CHD4: variants seen among roughly 807,000 people sequenced by gnomAD.
The protein encoded by CHD4 is ATP-dependent chromatin remodeler CHD4.
In CHD4, 35 loss-of-function variants were observed where a neutral mutation model predicts 235.5. That is an observed-to-expected ratio of 0.15 (90% confidence interval 0.11 to 0.20). CHD4 has a LOEUF of 0.20. Ranked by LOEUF, CHD4 falls within the 10% of genes least tolerant of loss-of-function variation. The pLI is 1.00. For synonymous variants in CHD4, 900 were observed against 850.2 expected, an observed-to-expected ratio of 1.06 and a Z score of -1.02; for missense variants, 1,329 against 2,432.3, an observed-to-expected ratio of 0.55 and a Z score of 9.54.
At chr12:6,585,517 C>G (rs1034765266) in intron 25 of CHD4, among the ~76,000 whole-genome samples, 1 of 151,822 alleles carries the variant, frequency 6.6e-6, no homozygotes, top group African/African-American at 2.4e-5. Flanking sequence ...CTCTTGACCT[C>G]GTGATCCACC....
chr12:6,598,518 A>G (rs781766054), intron 10 of CHD4, 93 bp from the exon 11 acceptor site: 1 of 1,108,282 alleles, frequency 9.0e-7, no homozygotes, highest in East Asian at 2.4e-5. Context: ...GACGATTCAG[A>G]TCTCATTTCA....
chr12:6,595,035 A>C (rs936093688), intron 14 of CHD4, among the ~76,000 whole-genome samples: 17 of 152,232 alleles, frequency 1.1e-4, no homozygotes, highest in South Asian at 2.1e-4. Context: ...AGCCTGAATT[A>C]AGCCAGATTC....
chr12:6,601,855 G>T, intron 4 of CHD4, 89 bp from the exon 5 acceptor site: 1 of 1,561,832 alleles, frequency 6.4e-7, no homozygotes, highest in Non-Finnish European at 8.8e-7. Flanking sequence ...GAGTAACAGA[G>T]TTAAGAGGAA....
At chr12:6,590,989 G>A (rs980271141) in intron 22 of CHD4, among the ~76,000 whole-genome samples, 1 of 151,976 alleles carries the variant, frequency 6.6e-6, no homozygotes, top group African/African-American at 2.4e-5. Flanking sequence ...TGGGCGTGGT[G>A]GCACACGCCT....
chr12:6,601,334 G>A lies in CHD4; in HGVS notation c.754C>T (p.Pro252Ser), dbSNP rs751395634. ...TATEVAPPPP[P>S]VEVPIRKAKT... ...GCCTTGCGGATAGGCACCTCCACAGGGGGAGGTGGTGGTGCAACCTCAGTG... is the reference window on the plus strand; with the variant it reads ...GCCTTGCGGATAGGCACCTCCACAGAGGGAGGTGGTGGTGCAACCTCAGTG... Residue 252 changes from proline (P) to serine (S), a missense_variant, in exon 6 of 40, where the codon CCT (proline) becomes TCT (serine). Physicochemically the swap from Pro to Ser is moderately conservative, Grantham distance 74. This residue lies in a region of CHD4 where 160 missense variants were observed against 196.6 expected (regional missense o/e 0.81). Coordinates refer to ENST00000544040, the MANE Select transcript of CHD4 (RefSeq NM_001273.5). The A allele has an allele frequency of 1.2e-6, 2 of 1,614,110 alleles. No individual in the cohort carries two copies. Among genetic ancestry groups the A allele is most frequent in the Admixed American group, 1.7e-5 (1 of 60,020 alleles).
chr12:6,586,410 A>G (rs1433013868), intron 25 of CHD4, among the ~76,000 whole-genome samples: 1 of 151,822 alleles, frequency 6.6e-6, no homozygotes, highest in Non-Finnish European at 1.5e-5. Flanking sequence ...CAAAATAAAT[A>G]AATAAATACA....
rs138598843 is a variant in CHD4, at chr12:6,590,847, G to A, written c.3340+619C>T. ...TCGAATAAACAAAACAAAACAGGCT[G>A]GGCGTGGTGGCTCGTGCCTGTAATC... On this transcript the variant is annotated intron_variant, in intron 22 of 39. Coordinates refer to ENST00000544040, the MANE Select transcript of CHD4 (RefSeq NM_001273.5). Among the ~76,000 whole-genome samples, 47 of 152,158 alleles carry A rather than the reference G, an allele frequency of 3.1e-4. 1 individual carries two copies. The highest frequency in any genetic ancestry group is 1.1e-3 in the African/African-American group (44 of 41,520).
At chr12:6,581,623 G>GA in intron 31 of CHD4, 26 bp downstream of exon 31, 3 of 1,614,122 alleles carry the variant, frequency 1.9e-6, no homozygotes, top group South Asian at 1.1e-5. Context: ...GAGAGGGACA[G>GA]AAAATGATAG....
chr12:6,600,557 C>T lies in CHD4; in HGVS notation c.1040G>A (p.Arg347Gln). 1 of 1,611,686 alleles carries T rather than the reference C, an allele frequency of 6.2e-7. No individual in the cohort carries two copies. Among genetic ancestry groups the T allele is most frequent in the Non-Finnish European group, 8.5e-7 (1 of 1,179,648 alleles). Residue 347 changes from arginine (R) to glutamine (Q), a missense_variant, in exon 8 of 40, where the codon CGA (arginine) becomes CAA (glutamine). Arg to Gln is a conservative substitution (Grantham distance 43). Around this residue, in one of 26 missense-constraint regions of CHD4, gnomAD observed 160 missense variants for 196.6 expected, o/e 0.81. Coordinates refer to ENST00000544040, the MANE Select transcript of CHD4 (RefSeq NM_001273.5). ...ACCTTTCTTTTTCTTTTTAGTGGTT[C>T]GGAGTTTCTTGCGGCTGCGGCTACT... Reference protein sequence around the residue: ...SRSSRSRKKLRTTKKKKKGEE... With the variant: ...SRSSRSRKKLQTTKKKKKGEE...
rs755447776 is a variant in CHD4 at position 6,593,097 on chromosome 12, C to G, written c.2646G>C (p.Gln882His). 1.2e-6 allele frequency: 2 copies of G among 1,613,944 alleles called. No individual in the cohort carries two copies. Among genetic ancestry groups the G allele is most frequent in the Admixed American group, 1.7e-5 (1 of 60,010 alleles). Residue 882 changes from glutamine (Q) to histidine (H), a missense_variant, in exon 17 of 40, where the codon CAG becomes CAC. Gln to His is a conservative substitution (Grantham distance 24). Coordinates refer to ENST00000544040, the MANE Select transcript of CHD4 (RefSeq NM_001273.5). This position sits in a 1 kb window ranked among gnomAD's most constrained non-coding sequence, Gnocchi z 4.9. ...TCCCTCCCTCAGCCCTCACCTTAGACTGATTGTTCTTCAGCCGATGGGCTT... is the reference window on the plus strand; with the variant it reads ...TCCCTCCCTCAGCCCTCACCTTAGAGTGATTGTTCTTCAGCCGATGGGCTT... ...VDEAHRLKNN[Q>H]SKFFRVLNGY...
At chr12:6,600,870 C>T in intron 7 of CHD4, 56 bp downstream of exon 7, 2 of 1,529,040 alleles carry the variant, frequency 1.3e-6, no homozygotes, top group Non-Finnish European at 1.8e-6. Flanking sequence ...GATAGAAGGT[C>T]ACATCCTTTC....
In CHD4 at chr12:6,601,497, A is replaced by G; in HGVS notation, c.591T>C (p.Ala197=). The part of the protein sequence containing the change: ...PLIAAKNPKI[A]VSKMMMVLGA... ...CCAAAACCATCATCATCTTGGAGAC[A>G]GCAATCTTGGGATTTTTGGCAGCAA... Residue 197 remains alanine (A), a synonymous_variant, in exon 6 of 40, where the codon GCT becomes GCC. Coordinates refer to ENST00000544040, the MANE Select transcript of CHD4 (RefSeq NM_001273.5). 1 of 1,614,216 alleles carries G rather than the reference A, an allele frequency of 6.2e-7. No homozygotes were observed.
In CHD4 at chr12:6,597,848, G is replaced by A. The variant is rs1246402986; in HGVS notation, c.1892+46C>T. On this transcript the variant is annotated intron_variant, in intron 12 of 39. Transcript: ENST00000544040. ...GCCATTTTCCCAATCTCTTTAGCAG[G>A]ACTCTCCCACGGAGACTGCCCGTCT... 3.3e-6 allele frequency: 5 copies of A among 1,532,836 alleles called. No individual in the cohort carries two copies. The East Asian group carries it at 6.8e-5, about 21-fold the overall frequency. 95.0% of individuals were successfully genotyped at this position (1,532,836 alleles called of 1,614,324 possible). A position where few individuals can be genotyped will look rare whatever the true frequency, so the allele number is the denominator to read the frequency against.
Position 6,598,855 on chromosome 12 carries a change from A to T in CHD4, c.1483-430T>A, listed in dbSNP as rs145532596. ...ATTTCAAATAAAATCTAATCCCAGG[A>T]CTCCTCCAGGGAGAAAATACAGGTT... On this transcript the variant is annotated intron_variant, in intron 10 of 39. Transcript: ENST00000544040. Among the ~76,000 whole-genome samples the T allele has an allele frequency of 4.2e-3, 646 of 152,096 alleles. 6 individuals carry two copies. Among genetic ancestry groups the T allele is most frequent in the African/African-American group, 0.015 (609 of 41,478 alleles).
chr12:6,584,379 G>A (rs1326504591), intron 25 of CHD4: 3 of 152,170 alleles, frequency 2.0e-5, no homozygotes, highest in Non-Finnish European at 4.4e-5. Flanking sequence ...AGAGAAAAGA[G>A]ATACGTGTGT....
chr12:6,587,338 T>C, intron 25 of CHD4, 46 bp downstream of exon 25: 1 of 1,586,840 alleles, frequency 6.3e-7, no homozygotes, highest in Admixed American at 1.7e-5. Context: ...AATGCCAATT[T>C]TCAGACCAAT....
At chr12:6,577,689 G>A (rs968437602) in intron 37 of CHD4, 96 bp downstream of exon 37, 1 of 1,504,420 alleles carries the variant, frequency 6.6e-7, no homozygotes, top group Non-Finnish European at 9.1e-7. Flanking sequence ...AAGAAAGTGA[G>A]AACAGTGCGC....
rs1948416846 is a variant in CHD4 at position 6,592,373 on chromosome 12, T to C, written c.2948+20A>G. 3.2e-6 allele frequency: 5 copies of C among 1,564,396 alleles called. No homozygotes were observed. The highest frequency in any genetic ancestry group is 2.0e-5 in the Admixed American group (1 of 50,856). ...TGGCAGATGTCTAAATGGAGTCTGCTTCTGTCCCTCCCAACTCACTTCTGC... is the reference window on the plus strand; with the variant it reads ...TGGCAGATGTCTAAATGGAGTCTGCCTCTGTCCCTCCCAACTCACTTCTGC... On this transcript the variant is annotated intron_variant, in intron 19 of 39. Transcript: ENST00000544040.
chr12:6,580,980 CT>C, intron 33 of CHD4, 63 bp downstream of exon 33: 4 of 1,582,022 alleles, frequency 2.5e-6, no homozygotes, highest in Non-Finnish European at 3.4e-6. Context: ...GCACTCCAGC[CT>C]GGCGGCAGCA....
Sources: gnomAD v4.1 joint callset for allele counts (sites outside exome capture counted in the v4.1 genomes callset) on GRCh38, gnomAD v4.1.1 for gene constraint, gnomAD v4.1.1 regional missense constraint, Gnocchi (gnomAD v3.1) non-coding constraint, MANE v1.5 for transcripts, NCBI Gene and HGNC (gene_info 2026-07-23, HGNC 2026-07-21) for gene names.